Variants in OPCML observed in about 807,000 individuals in gnomAD.
The protein encoded by OPCML is opioid binding protein/cell adhesion molecule like.
OPCML carries 13 observed loss-of-function variants against 37.8 expected under a neutral mutation model. The ratio of observed to expected loss-of-function variants is 0.34; its 90% CI spans 0.22 to 0.55. The LOEUF (loss-of-function observed/expected upper bound fraction) is 0.55. Among genes scored for constraint, OPCML ranks in the 20% least tolerant of loss-of-function variants. OPCML has a pLI of 0.91. For missense variants in OPCML, 341 were observed against 435.6 expected (o/e 0.78, Z 1.93); for synonymous variants, 176 against 168.8 (o/e 1.04, Z -0.33).
In OPCML at chr11:132,750,114, C is replaced by A. The variant is rs189881400; in HGVS notation, c.147-92795G>T. ...CTTTGGCAAGCCGAGGTGGGCAGAT[C>A]ACCTGAGGTCAGGGGTTCAAGACCA... On this transcript the variant is annotated intron_variant, in intron 2 of 7. Coordinates refer to ENST00000524381, the MANE Select transcript of OPCML (RefSeq NM_001012393.5). Among the ~76,000 whole-genome samples the A allele has an allele frequency of 3.9e-4, 60 of 152,234 alleles. 1 individual carries two copies. The highest frequency in any genetic ancestry group is 2.7e-3 in the Admixed American group (42 of 15,292).
intron 2 of OPCML, among the ~76,000 whole-genome samples, chr11:132,778,961 C>A (rs369904341): frequency 2.3e-5 from 2 of 87,926 alleles, no homozygotes; most frequent in Admixed American, 1.5e-4. Flanking sequence ...TGGTATATTT[C>A]TTTTTTTTTT....
At chr11:132,789,181 G>C (rs569969062) in intron 2 of OPCML, among the ~76,000 whole-genome samples, 1 of 152,186 alleles carries the variant, frequency 6.6e-6, no homozygotes, top group South Asian at 2.1e-4. Context: ...TTTATTATAC[G>C]TTGACTTCTC....
chr11:133,457,255 G>A (rs967192304), intron 1 of OPCML, among the ~76,000 whole-genome samples: 1 of 152,256 alleles, frequency 6.6e-6, no homozygotes, highest in East Asian at 1.9e-4. Context: ...AATCTAGGTT[G>A]GGTACAGTGG....
chr11:132,739,430 C>A (rs1009162023), intron 2 of OPCML, among the ~76,000 whole-genome samples: 1 of 152,090 alleles, frequency 6.6e-6, no homozygotes, highest in African/African-American at 2.4e-5. Flanking sequence ...TTTTTTCCTC[C>A]CTAACTAGTA....
intron 2 of OPCML, among the ~76,000 whole-genome samples, chr11:132,936,265 C>T (rs553446181): frequency 5.3e-5 from 8 of 152,190 alleles, no homozygotes; most frequent in African/African-American, 1.9e-4. Flanking sequence ...TTTCTCTGTC[C>T]TCTACATCTG....
intron 2 of OPCML, among the ~76,000 whole-genome samples, chr11:132,897,072 G>C (rs1943878619): frequency 6.6e-6 from 1 of 152,180 alleles, no homozygotes; most frequent in Admixed American, 6.5e-5. Flanking sequence ...AGGCTCTACA[G>C]CAAGTCCCAG....
chr11:132,698,710 C>T (rs1591746826), intron 2 of OPCML, among the ~76,000 whole-genome samples: 1 of 151,988 alleles, frequency 6.6e-6, no homozygotes, highest in South Asian at 2.1e-4. Flanking sequence ...ATTGCCCAGA[C>T]CAATTTCAAG....
chr11:132,976,546 C>T (rs944464416), intron 1 of OPCML, among the ~76,000 whole-genome samples: 3 of 152,114 alleles, frequency 2.0e-5, no homozygotes, highest in Admixed American at 1.3e-4. Context: ...TTCCAAGCTC[C>T]CATCAGGTGT....
At chr11:132,792,888 A>T (rs1938026910) in intron 2 of OPCML, among the ~76,000 whole-genome samples, 1 of 152,196 alleles carries the variant, frequency 6.6e-6, no homozygotes, top group African/African-American at 2.4e-5. Flanking sequence ...GTGTCTGTCT[A>T]ATCCCTACCT....
intron 1 of OPCML, among the ~76,000 whole-genome samples, chr11:133,147,862 T>C (rs979402459): frequency 6.6e-6 from 1 of 152,198 alleles, no homozygotes; most frequent in African/African-American, 2.4e-5. Flanking sequence ...TTACTTCATC[T>C]GCAAAGACGG....
intron 2 of OPCML, among the ~76,000 whole-genome samples, chr11:132,757,947 C>G (rs768935693): frequency 3.3e-5 from 5 of 152,122 alleles, no homozygotes; most frequent in Non-Finnish European, 5.9e-5. Context: ...ACATTTGAGT[C>G]TTTAATTCGT....
intron 1 of OPCML, among the ~76,000 whole-genome samples, chr11:133,157,624 C>T (rs1428369614): frequency 1.3e-5 from 2 of 152,154 alleles, no homozygotes; most frequent in East Asian, 3.9e-4. Flanking sequence ...TGGGCTTCTG[C>T]TTTGCATCTT....
chr11:133,263,871 G>A (rs574998093), intron 1 of OPCML, among the ~76,000 whole-genome samples: 8 of 152,290 alleles, frequency 5.3e-5, no homozygotes, highest in Admixed American at 2.6e-4. Context: ...TACTTTCCAA[G>A]CTAAACGTGG....
chr11:133,111,698 C>A (rs182442346), intron 1 of OPCML, among the ~76,000 whole-genome samples: 14 of 152,302 alleles, frequency 9.2e-5, no homozygotes, highest in Non-Finnish European at 2.9e-5. Flanking sequence ...CTTTCCTAAG[C>A]AGACTGGGCT....
intron 1 of OPCML, among the ~76,000 whole-genome samples, chr11:133,154,672 A>G (rs1342736489): frequency 6.6e-6 from 1 of 152,228 alleles, no homozygotes; most frequent in Non-Finnish European, 1.5e-5. Flanking sequence ...TCGAGGGAAA[A>G]TACTATCAAA....
chr11:132,645,580 A>G (rs1233634336), intron 3 of OPCML, among the ~76,000 whole-genome samples: 2 of 152,208 alleles, frequency 1.3e-5, no homozygotes, highest in Non-Finnish European at 2.9e-5. Context: ...AGGAAATTAC[A>G]GTCTAGGAGA....
chr11:132,973,907 C>G (rs1303064954), intron 1 of OPCML, among the ~76,000 whole-genome samples: 1 of 152,090 alleles, frequency 6.6e-6, no homozygotes, highest in Non-Finnish European at 1.5e-5. Flanking sequence ...AGAGAAAGCA[C>G]GGAGTGGATC....
intron 4 of OPCML, among the ~76,000 whole-genome samples, chr11:132,446,768 A>AT (rs2096056463): frequency 6.6e-6 from 1 of 152,172 alleles, no homozygotes; most frequent in Non-Finnish European, 1.5e-5. Flanking sequence ...AACCTTCATA[A>AT]TTAAACGACA....
At chr11:132,432,081 G>A (rs1337221965) in intron 7 of OPCML, among the ~76,000 whole-genome samples, 1 of 152,194 alleles carries the variant, frequency 6.6e-6, no homozygotes, top group Non-Finnish European at 1.5e-5. Context: ...GGAGCAAAGT[G>A]CTCCAGCATG....
Sources: gnomAD v4.1 joint callset for allele counts (sites outside exome capture counted in the v4.1 genomes callset) on GRCh38, gnomAD v4.1.1 for gene constraint, MANE v1.5 for transcripts, NCBI Gene and HGNC (gene_info 2026-07-23, HGNC 2026-07-21) for gene names.